Variants in FRAS1 observed in about 807,000 individuals in gnomAD.
FRAS1 encodes extracellular matrix organizing protein FRAS1.
A neutral mutation model predicts 435.2 loss-of-function variants in FRAS1; 290 were observed. The ratio of observed to expected loss-of-function variants is 0.67; its 90% CI spans 0.61 to 0.73. The LOEUF is 0.73. FRAS1 is among the 30% of genes least tolerant of loss of function. The pLI is 0.00. For missense variants in FRAS1, 4,860 were observed against 5,001.5 expected, an observed-to-expected ratio of 0.97 and a Z score of 0.85; for synonymous variants, 1,800 against 1,851.0, an observed-to-expected ratio of 0.97 and a Z score of 0.71.
chr4:78,282,201 C>T (rs1184135233), intron 11 of FRAS1, among the ~76,000 whole-genome samples: 1 of 152,156 alleles, frequency 6.6e-6, no homozygotes, highest in Non-Finnish European at 1.5e-5. Context: ...ATGAATTGTT[C>T]TTTACAATTC....
At chr4:78,433,570 T>G (rs1734294307) in intron 38 of FRAS1, among the ~76,000 whole-genome samples, 1 of 152,208 alleles carries the variant, frequency 6.6e-6, no homozygotes, top group Non-Finnish European at 1.5e-5. Context: ...AACAATTGCT[T>G]TTACACAGAT....
At chr4:78,429,046 C>CTGTG (rs3086823) in intron 35 of FRAS1, 49 bp from the exon 36 acceptor site, 654,119 of 1,385,646 alleles carry the variant, frequency 0.47, 107,638 homozygotes, top group Non-Finnish European at 0.5. Flanking sequence ...GTGCGTGTCT[C>CTGTG]TGTGTGTGTG....
At chr4:78,307,880 C>A (rs1728850919) in intron 14 of FRAS1, among the ~76,000 whole-genome samples, 186 bp from the exon 15 acceptor site, 2 of 152,178 alleles carry the variant, frequency 1.3e-5, no homozygotes. Flanking sequence ...TGGCTCCTCC[C>A]CCTAGAAACG....
At chr4:78,096,174 T>C (rs1741794889) in intron 2 of FRAS1, among the ~76,000 whole-genome samples, 1 of 152,228 alleles carries the variant, frequency 6.6e-6, no homozygotes, top group Non-Finnish European at 1.5e-5. Flanking sequence ...GGCAGTCAAA[T>C]TTTAAAGCTC....
chr4:78,133,027 A>T (rs1719754283), intron 2 of FRAS1, among the ~76,000 whole-genome samples: 1 of 152,192 alleles, frequency 6.6e-6, no homozygotes, highest in South Asian at 2.1e-4. Context: ...GTGAGCTGAG[A>T]TCACGCCACT....
At position 78,515,962 on chromosome 4, in the gene FRAS1, C is replaced by G. The variant is rs761086981; in HGVS notation, c.10338C>G (p.Asp3446Glu). 1 of 1,613,966 alleles carries G rather than the reference C, an allele frequency of 6.2e-7. No individual in the cohort carries two copies. Among genetic ancestry groups the G allele is most frequent in the Non-Finnish European group, 8.5e-7 (1 of 1,179,874 alleles). Residue 3446 changes from aspartate to glutamate, a missense_variant, in exon 66 of 74, where the codon GAC (aspartate) becomes GAG (glutamate). Transcript: ENST00000512123. ...TGTGGACCTTTGATGCTTATTATGA[C>G]ATGACTGAGCTGATTGACGTCTGTG... The part of the protein sequence containing the change: ...SCVWTFDAYY[D>E]MTELIDVCGG...
rs767581342 is a variant in FRAS1 at position 78,481,886 on chromosome 4, C to A, written c.8526C>A (p.Asp2842Glu). The A allele has an allele frequency of 3.1e-6, 5 of 1,613,858 alleles. No individual in the cohort carries two copies. The Admixed American group carries it at 8.3e-5, about 27-fold the overall frequency. ...TCTGGTGTGCAACGCGGCCCTCAGA[C>A]CCAGCTTCTGCCACACCAGGAGTTG... ...ASVWCATRPS[D>E]PASATPGVDY... is the part of the protein sequence containing the mutation. Residue 2842 changes from aspartate to glutamate, a missense_variant, in exon 57 of 74, where the codon GAC becomes GAA. Asp to Glu is a conservative substitution (Grantham distance 45). Coordinates refer to ENST00000512123, the MANE Select transcript of FRAS1 (RefSeq NM_025074.7).
intron 15 of FRAS1, among the ~76,000 whole-genome samples, chr4:78,314,464 G>A (rs1159404283): frequency 6.6e-6 from 1 of 152,018 alleles, no homozygotes; most frequent in Non-Finnish European, 1.5e-5. Flanking sequence ...CTTGATTCAT[G>A]CTCCTTGCCA....
At chr4:78,341,391 C>T (rs1238187547) in intron 20 of FRAS1, among the ~76,000 whole-genome samples, 1 of 152,138 alleles carries the variant, frequency 6.6e-6, no homozygotes, top group East Asian at 1.9e-4. Flanking sequence ...GACTGCATTT[C>T]TGTGAAGAGA....
chr4:78,163,962 C>T (rs1326968777), intron 2 of FRAS1, among the ~76,000 whole-genome samples: 1 of 152,170 alleles, frequency 6.6e-6, no homozygotes, highest in Non-Finnish European at 1.5e-5. Context: ...TGTCCAACCT[C>T]CCATGCCCAC....
At chr4:78,082,603 A>G (rs1464930889) in intron 2 of FRAS1, among the ~76,000 whole-genome samples, 1 of 152,076 alleles carries the variant, frequency 6.6e-6, no homozygotes, top group Non-Finnish European at 1.5e-5. Context: ...ATTTATTGCT[A>G]CAGGAGACAG....
intron 4 of FRAS1, among the ~76,000 whole-genome samples, chr4:78,247,018 A>G (rs1387692630): frequency 6.6e-6 from 1 of 152,226 alleles, no homozygotes; most frequent in African/African-American, 2.4e-5. Context: ...GGTGAATAAA[A>G]GATTCAAAAA....
At chr4:78,089,919 T>C (rs1392503420) in intron 2 of FRAS1, among the ~76,000 whole-genome samples, 2 of 152,092 alleles carry the variant, frequency 1.3e-5, no homozygotes, top group Non-Finnish European at 2.9e-5. Flanking sequence ...CTACCCTCCA[T>C]CCTTAAGTAG....
At chr4:78,305,758 C>G (rs1200405345) in intron 14 of FRAS1, among the ~76,000 whole-genome samples, 3 of 152,074 alleles carry the variant, frequency 2.0e-5, no homozygotes, top group East Asian at 3.9e-4. Flanking sequence ...ATGTGTGTCT[C>G]TGCACATGAG....
At chr4:78,531,420 T>C (rs1213144794) in intron 70 of FRAS1, among the ~76,000 whole-genome samples, 1 of 152,162 alleles carries the variant, frequency 6.6e-6, no homozygotes, top group Non-Finnish European at 1.5e-5. Flanking sequence ...CTTGTGCAGG[T>C]TTTCAAAGGG....
chr4:78,409,924 C>T (rs921463747), intron 31 of FRAS1, among the ~76,000 whole-genome samples: 2 of 152,198 alleles, frequency 1.3e-5, no homozygotes, highest in Non-Finnish European at 2.9e-5. Context: ...AAAAGATGTG[C>T]TTTTCCAGAG....
intron 30 of FRAS1, 90 bp from the exon 31 acceptor site, chr4:78,407,573 G>GC: frequency 1.1e-5 from 11 of 999,344 alleles, no homozygotes; most frequent in Non-Finnish European, 1.6e-5. Context: ...TTTCTTTCTA[G>GC]TTAAAAAAAA....
intron 14 of FRAS1, among the ~76,000 whole-genome samples, chr4:78,306,632 C>G (rs1404710125): frequency 1.3e-5 from 2 of 148,430 alleles, no homozygotes; most frequent in African/African-American, 5.0e-5. Flanking sequence ...ATCGCTGATA[C>G]CCTTTCTTCC....
intron 29 of FRAS1, among the ~76,000 whole-genome samples, chr4:78,397,584 G>A (rs1732719467): frequency 6.6e-6 from 1 of 152,070 alleles, no homozygotes; most frequent in African/African-American, 2.4e-5. Flanking sequence ...TGCAGGTGAG[G>A]TATCTTACAG....
Sources: gnomAD v4.1 joint callset for allele counts (sites outside exome capture counted in the v4.1 genomes callset) on GRCh38, gnomAD v4.1.1 for gene constraint, MANE v1.5 for transcripts, NCBI Gene and HGNC (gene_info 2026-07-23, HGNC 2026-07-21) for gene names.